FLT1: variants seen among roughly 807,000 people sequenced by gnomAD.
The protein encoded by FLT1 is fms related receptor tyrosine kinase 1.
FLT1 carries 49 observed loss-of-function variants against 156.3 expected under a neutral mutation model. The observed-to-expected ratio is 0.31, with a 90% CI of 0.25 to 0.40. The LOEUF is 0.40. Among genes scored for constraint, FLT1 ranks in the 10% least tolerant of loss-of-function variants. FLT1 has a pLI of 1.00. For missense variants in FLT1, 1,322 were observed against 1,637.2 expected, an observed-to-expected ratio of 0.81 and a Z score of 3.32; for synonymous variants, 594 against 583.8, an observed-to-expected ratio of 1.02 and a Z score of -0.25.
chr13:28,317,058 G>A (rs1871240771), intron 25 of FLT1, among the ~76,000 whole-genome samples: 2 of 152,216 alleles, frequency 1.3e-5, no homozygotes, highest in South Asian at 2.1e-4. Context: ...CCTCACGGGT[G>A]TTCTGTGCAG....
chr13:28,466,477 C>T (rs559046339), intron 3 of FLT1, among the ~76,000 whole-genome samples: 12 of 152,236 alleles, frequency 7.9e-5, no homozygotes, highest in South Asian at 4.2e-4. Flanking sequence ...AGCAACATTG[C>T]GTTTATTAAT....
intron 6 of FLT1, among the ~76,000 whole-genome samples, chr13:28,433,457 T>C (rs973174267): frequency 6.6e-6 from 1 of 152,210 alleles, no homozygotes; most frequent in African/African-American, 2.4e-5. Flanking sequence ...TTGTTGTTGT[T>C]GTTACAAAAG....
intron 12 of FLT1, among the ~76,000 whole-genome samples, chr13:28,394,686 T>C (rs1487396197): frequency 6.6e-6 from 1 of 152,148 alleles, no homozygotes; most frequent in Non-Finnish European, 1.5e-5. Context: ...GCAAGAAGGA[T>C]CCCTGTCGCA....
intron 3 of FLT1, among the ~76,000 whole-genome samples, chr13:28,460,829 C>CAT (rs1325672581): frequency 9.5e-4 from 144 of 151,122 alleles, no homozygotes; most frequent in African/African-American, 2.5e-3. Context: ...CACACACACA[C>CAT]GCACGTATGT....
chr13:28,440,917 G>A (rs1348790788), intron 3 of FLT1, among the ~76,000 whole-genome samples: 2 of 152,152 alleles, frequency 1.3e-5, no homozygotes, highest in Non-Finnish European at 2.9e-5. Context: ...AGTGGGACAG[G>A]AGAGTGCCCC....
chr13:28,479,243 C>T (rs941261092), intron 1 of FLT1, among the ~76,000 whole-genome samples: 27 of 152,172 alleles, frequency 1.8e-4, no homozygotes, highest in African/African-American at 4.8e-4. Context: ...TTGAAAGCTA[C>T]ATTAGCAAAT....
chr13:28,452,171 C>A (rs1460123875), intron 3 of FLT1, among the ~76,000 whole-genome samples: 1 of 152,174 alleles, frequency 6.6e-6, no homozygotes, highest in African/African-American at 2.4e-5. Flanking sequence ...TCCCTTCTCT[C>A]CCATTTTATA....
At chr13:28,453,547 A>G (rs1039572469) in intron 3 of FLT1, among the ~76,000 whole-genome samples, 7 of 152,170 alleles carry the variant, frequency 4.6e-5, no homozygotes, top group African/African-American at 1.7e-4. Context: ...CCCATCCAGT[A>G]CTAGGGTAGT....
At chr13:28,385,391 G>A (rs1046372625) in intron 13 of FLT1, among the ~76,000 whole-genome samples, 3 of 152,144 alleles carry the variant, frequency 2.0e-5, no homozygotes, top group Non-Finnish European at 2.9e-5. Flanking sequence ...ATGATTTTGT[G>A]TATAGTCTTG....
At chr13:28,451,841 A>G (rs1352919806) in intron 3 of FLT1, among the ~76,000 whole-genome samples, 1 of 152,202 alleles carries the variant, frequency 6.6e-6, no homozygotes. Context: ...GGCGTAGCAC[A>G]CTGACATCCC....
intron 14 of FLT1, among the ~76,000 whole-genome samples, chr13:28,366,428 C>T (rs1329595032): frequency 6.6e-6 from 1 of 151,738 alleles, no homozygotes; most frequent in African/African-American, 2.4e-5. Context: ...TTAACATTTG[C>T]TTGTTCTTTA....
At chr13:28,417,876 C>T (rs1876753192) in intron 10 of FLT1, among the ~76,000 whole-genome samples, 1 of 152,062 alleles carries the variant, frequency 6.6e-6, no homozygotes, top group Admixed American at 6.5e-5. Context: ...CATTTCATTC[C>T]CTCATCAACT....
At chr13:28,473,687 GAGAGAGAA>G (rs1188955968) in intron 1 of FLT1, among the ~76,000 whole-genome samples, 4 of 143,054 alleles carry the variant, frequency 2.8e-5, no homozygotes, top group African/African-American at 7.8e-5. Flanking sequence ...GAGAGAGAGA[GAGAGAGAA>G]AGAAAAGAAA....
rs1472651712 is a variant in FLT1 at position 28,439,268 on chromosome 13, G to A, written c.389-923C>T. 1.3e-5 allele frequency among the ~76,000 whole-genome samples: 2 copies of A among 152,158 alleles called. No individual in the cohort carries two copies. Among genetic ancestry groups the A allele is most frequent in the African/African-American group, 4.8e-5 (2 of 41,432 alleles). On this transcript the variant is annotated intron_variant, in intron 3 of 29. Coordinates refer to ENST00000282397, the MANE Select transcript of FLT1 (RefSeq NM_002019.4). This position sits in a 1 kb window ranked among gnomAD's most constrained non-coding sequence, Gnocchi z 4.1. The stretch of plus-strand genomic sequence containing the variant: ...ATCTCTTCGGGAGTCATTGTGTTCT[G>A]ATCGTCCCGCATTTGTTCCAGCCTT...
In FLT1 at chr13:28,379,266, G is replaced by A. The variant is rs762198976; in HGVS notation, c.2116+5619C>T. Among the ~76,000 whole-genome samples the A allele has an allele frequency of 3.9e-5, 6 of 152,100 alleles. No individual in the cohort carries two copies. The East Asian group carries it at 5.8e-4, about 15-fold the overall frequency. ...GCTGAAGCACCAGAACCTGGGAGGC[G>A]GAGTTTGCAGTGAGCCAAGATTGTG... On this transcript the variant is annotated intron_variant, in intron 14 of 29. Transcript: ENST00000282397.
chr13:28,400,947 C>T (rs758326103), intron 11 of FLT1, among the ~76,000 whole-genome samples: 7 of 152,120 alleles, frequency 4.6e-5, no homozygotes, highest in Non-Finnish European at 1.0e-4. Flanking sequence ...ACTATTAGGC[C>T]TGATGCGGCG....
intron 16 of FLT1, among the ~76,000 whole-genome samples, chr13:28,344,664 T>TG (rs1391194433): frequency 2.6e-5 from 4 of 152,296 alleles, no homozygotes; most frequent in African/African-American, 7.2e-5. Context: ...TCTGATGTCC[T>TG]GAATGCCAAC....
At chr13:28,427,083 C>T in intron 10 of FLT1, 76 bp downstream of exon 10, 2 of 1,332,266 alleles carry the variant, frequency 1.5e-6, no homozygotes, top group Non-Finnish European at 2.2e-6. Context: ...AGATTCCCAT[C>T]TGCGTCCATT....
At chr13:28,332,798 T>C (rs1223014457) in intron 18 of FLT1, among the ~76,000 whole-genome samples, 5 of 152,224 alleles carry the variant, frequency 3.3e-5, no homozygotes, top group Non-Finnish European at 7.3e-5. Flanking sequence ...ATGGCTGTTT[T>C]GTGTGGTTCA....
Sources: gnomAD v4.1 joint callset for allele counts (sites outside exome capture counted in the v4.1 genomes callset) on GRCh38, gnomAD v4.1.1 for gene constraint, Gnocchi (gnomAD v3.1) non-coding constraint, MANE v1.5 for transcripts, NCBI Gene and HGNC (gene_info 2026-07-23, HGNC 2026-07-21) for gene names.